Variants in CACNA1D observed in about 807,000 individuals in gnomAD.
The protein encoded by CACNA1D is calcium voltage-gated channel subunit alpha1 D, also known as voltage-dependent L-type calcium channel subunit alpha-1D.
A neutral mutation model predicts 257.1 loss-of-function variants in CACNA1D; 55 were observed. That is an observed-to-expected ratio of 0.21 (90% CI 0.17 to 0.27). The LOEUF (loss-of-function observed/expected upper bound fraction) is 0.27. Among genes scored for constraint, CACNA1D ranks in the 10% least tolerant of loss-of-function variants. The probability of loss-of-function intolerance (pLI) is 1.00; values close to 1 mark genes in which losing one functional copy is unlikely to be tolerated. For synonymous variants in CACNA1D, 980 were observed against 1,014.9 expected, an observed-to-expected ratio of 0.97 and a Z score of 0.65; for missense variants, 1,876 against 2,784.0, an observed-to-expected ratio of 0.67 and a Z score of 7.34.
intron 20 of CACNA1D, among the ~76,000 whole-genome samples, chr3:53,736,247 A>T (rs2095055922): frequency 6.6e-6 from 1 of 152,126 alleles, no homozygotes; most frequent in Non-Finnish European, 1.5e-5. Context: ...AGACTGAGGG[A>T]GGAGGATCGC....
chr3:53,611,899 C>T (rs2093587325), intron 3 of CACNA1D, among the ~76,000 whole-genome samples: 1 of 152,034 alleles, frequency 6.6e-6, no homozygotes, highest in African/African-American at 2.4e-5. Flanking sequence ...GACAATACAC[C>T]AAAAAATGAG....
chr3:53,541,718 A>T (rs1358778511), intron 3 of CACNA1D, among the ~76,000 whole-genome samples: 2 of 152,094 alleles, frequency 1.3e-5, no homozygotes, highest in African/African-American at 4.8e-5. Context: ...TGTTCTGGGG[A>T]ATAGTGAACA....
intron 3 of CACNA1D, among the ~76,000 whole-genome samples, chr3:53,586,396 C>T (rs909789378): frequency 8.6e-5 from 13 of 151,718 alleles, no homozygotes; most frequent in African/African-American, 2.9e-4. Context: ...CTCATCTACT[C>T]TCTTGGTTTT....
intron 3 of CACNA1D, among the ~76,000 whole-genome samples, chr3:53,618,276 G>T (rs1272298279): frequency 2.6e-5 from 4 of 152,178 alleles, no homozygotes; most frequent in Admixed American, 6.5e-5. Context: ...TCGCCCAGGT[G>T]CTGGCAGTGC....
intron 8 of CACNA1D, among the ~76,000 whole-genome samples, chr3:53,692,148 G>C (rs1419121355): frequency 6.6e-6 from 1 of 150,982 alleles, no homozygotes; most frequent in Non-Finnish European, 1.5e-5. Context: ...ACTACTAATG[G>C]CCGGGGTTTG....
chr3:53,682,049 C>T (rs566446167), intron 8 of CACNA1D, among the ~76,000 whole-genome samples: 16 of 152,186 alleles, frequency 1.1e-4, no homozygotes, highest in African/African-American at 3.6e-4. Flanking sequence ...TAGACTATGT[C>T]ACAGGTTTTG....
intron 40 of CACNA1D, among the ~76,000 whole-genome samples, chr3:53,794,974 A>G (rs1339962219): frequency 2.0e-5 from 3 of 152,190 alleles, no homozygotes; most frequent in Non-Finnish European, 2.9e-5. Flanking sequence ...CTTGTTAAAG[A>G]GGCTCCTGTG....
At chr3:53,712,707 C>G (rs1576431501) in intron 9 of CACNA1D, among the ~76,000 whole-genome samples, 1 of 152,162 alleles carries the variant, frequency 6.6e-6, no homozygotes, top group Non-Finnish European at 1.5e-5. Flanking sequence ...TCCAGCCTCA[C>G]CCCCTACCCT....
chr3:53,650,118 A>T (rs1175029044), intron 3 of CACNA1D, among the ~76,000 whole-genome samples: 2 of 152,168 alleles, frequency 1.3e-5, no homozygotes, highest in Non-Finnish European at 2.9e-5. Flanking sequence ...GTGCATGATG[A>T]CCTGTCACAA....
At chr3:53,648,820 A>G (rs935657341) in intron 3 of CACNA1D, among the ~76,000 whole-genome samples, 7 of 134,782 alleles carry the variant, frequency 5.2e-5, no homozygotes, top group African/African-American at 2.2e-4. Context: ...GATGCTGGCT[A>G]ACTCTCAAAA....
chr3:53,677,075 A>G (rs1376334658), intron 8 of CACNA1D, among the ~76,000 whole-genome samples: 1 of 152,194 alleles, frequency 6.6e-6, no homozygotes, highest in Non-Finnish European at 1.5e-5. Flanking sequence ...CAAATTGTTA[A>G]TTGAACTCCC....
chr3:53,669,194 G>A (rs1238571827), intron 7 of CACNA1D, among the ~76,000 whole-genome samples: 1 of 152,242 alleles, frequency 6.6e-6, no homozygotes, highest in Non-Finnish European at 1.5e-5. Context: ...ATAGAGATAG[G>A]CAGGGGCCAA....
chr3:53,754,723 C>T (rs967046095), intron 29 of CACNA1D, among the ~76,000 whole-genome samples: 5 of 152,180 alleles, frequency 3.3e-5, no homozygotes, highest in African/African-American at 9.7e-5. Context: ...CAAAAACTCT[C>T]AGAGTTAGAG....
intron 3 of CACNA1D, among the ~76,000 whole-genome samples, chr3:53,609,148 C>T (rs142887289): frequency 3.9e-5 from 6 of 152,288 alleles, no homozygotes; most frequent in East Asian, 1.9e-4. Context: ...CTGTGGCTCA[C>T]GCCTGTAATC....
At chr3:53,620,695 A>T (rs1311447259) in intron 3 of CACNA1D, among the ~76,000 whole-genome samples, 3 of 152,230 alleles carry the variant, frequency 2.0e-5, no homozygotes, top group African/African-American at 2.4e-5. Context: ...TCTCTAAAGC[A>T]TTTGCAATCA....
intron 26 of CACNA1D, among the ~76,000 whole-genome samples, chr3:53,748,341 CAG>C (rs2095191487): frequency 6.6e-6 from 1 of 152,156 alleles, no homozygotes; most frequent in Non-Finnish European, 1.5e-5. Flanking sequence ...CGCAGGCCAG[CAG>C]AGTTCTTGGG....
chr3:53,726,118 A>G (rs2094932064), intron 14 of CACNA1D, among the ~76,000 whole-genome samples: 1 of 152,386 alleles, frequency 6.6e-6, no homozygotes, highest in South Asian at 2.1e-4. Flanking sequence ...ACCTTCTGAC[A>G]CAGAGGGTCT....
intron 3 of CACNA1D, among the ~76,000 whole-genome samples, chr3:53,575,396 G>A (rs1475155980): frequency 6.6e-6 from 1 of 152,164 alleles, no homozygotes; most frequent in Non-Finnish European, 1.5e-5. Context: ...GTGGGGGCAT[G>A]GTTCCAGGAA....
chr3:53,656,161 A>G (rs1452411968), intron 4 of CACNA1D, among the ~76,000 whole-genome samples: 2 of 152,294 alleles, frequency 1.3e-5, no homozygotes, highest in East Asian at 3.9e-4. Context: ...TATGAGCACC[A>G]TGCTGTTTTG....
Sources: allele counts gnomAD v4.1 joint callset (sites outside exome capture counted in the v4.1 genomes callset), GRCh38; gene constraint gnomAD v4.1.1; transcripts MANE v1.5; gene names NCBI Gene and HGNC (gene_info 2026-07-23, HGNC 2026-07-21).